The following CDH8 variants were observed in gnomAD, a reference collection of about 807,000 sequenced individuals.
The protein encoded by CDH8 is cadherin-8.
In CDH8, 17 loss-of-function variants were observed where a neutral mutation model predicts 68.1. The ratio of observed to expected loss-of-function variants is 0.25; its 90% confidence interval spans 0.17 to 0.37. The LOEUF is 0.37. CDH8 is among the 10% of genes least tolerant of loss of function. CDH8 has a pLI of 1.00. For synonymous variants in CDH8, 372 were observed against 365.1 expected (o/e 1.02, Z -0.21); for missense variants, 763 against 999.3 (o/e 0.76, Z 3.19).
At chr16:61,746,003 G>T (rs1213715838) in intron 8 of CDH8, among the ~76,000 whole-genome samples, 1 of 152,006 alleles carries the variant, frequency 6.6e-6, no homozygotes, top group Non-Finnish European at 1.5e-5. Context: ...ACTAAGACCG[G>T]ATTTCAGAAT....
At chr16:61,820,891 T>C (rs749498653) in intron 6 of CDH8, 35 bp downstream of exon 6, 2 of 1,564,366 alleles carry the variant, frequency 1.3e-6, no homozygotes, top group East Asian at 4.5e-5. Context: ...TTCAACAAGA[T>C]ATTTTGAAGA....
At chr16:61,814,662 C>A (rs1193792441) in intron 7 of CDH8, among the ~76,000 whole-genome samples, 1 of 152,046 alleles carries the variant, frequency 6.6e-6, no homozygotes, top group Non-Finnish European at 1.5e-5. Context: ...TACAACAGTC[C>A]TAAAGAGAAA....
intron 8 of CDH8, among the ~76,000 whole-genome samples, chr16:61,761,718 T>C (rs760253038): frequency 6.6e-6 from 1 of 151,996 alleles, no homozygotes; most frequent in Non-Finnish European, 1.5e-5. Context: ...AATGGCAAAA[T>C]TAGGCCAGGT....
At chr16:61,903,914 G>A (rs1964022532) in intron 2 of CDH8, among the ~76,000 whole-genome samples, 1 of 150,990 alleles carries the variant, frequency 6.6e-6, no homozygotes, top group Non-Finnish European at 1.5e-5. Flanking sequence ...AAATTCTCAA[G>A]ACTCCATTCA....
At chr16:61,839,577 G>A (rs559515033) in intron 4 of CDH8, among the ~76,000 whole-genome samples, 1 of 152,062 alleles carries the variant, frequency 6.6e-6, no homozygotes, top group Non-Finnish European at 1.5e-5. Flanking sequence ...TTTCATACTT[G>A]TGCTACCTCT....
At chr16:61,840,626 T>C (rs2143008048) in intron 4 of CDH8, among the ~76,000 whole-genome samples, 1 of 152,218 alleles carries the variant, frequency 6.6e-6, no homozygotes, top group South Asian at 2.1e-4. Flanking sequence ...TACAGGGACA[T>C]GGATGGAGCC....
chr16:62,021,105 A>G (rs765696383), intron 2 of CDH8, 47 bp downstream of exon 2: 1 of 1,533,628 alleles, frequency 6.5e-7, no homozygotes, highest in Admixed American at 1.7e-5. Context: ...AAACATCTTA[A>G]GACCACTAAC....
intron 10 of CDH8, among the ~76,000 whole-genome samples, chr16:61,686,845 G>T (rs1387266036): frequency 2.0e-5 from 3 of 151,860 alleles, no homozygotes; most frequent in African/African-American, 7.3e-5. Context: ...TCTGCATCTT[G>T]TATGTGTCCT....
At chr16:61,945,772 T>G (rs147896520) in intron 2 of CDH8, among the ~76,000 whole-genome samples, 3 of 152,140 alleles carry the variant, frequency 2.0e-5, no homozygotes, top group Non-Finnish European at 2.9e-5. Flanking sequence ...AAGAGAAATA[T>G]GTTGCTAAAA....
At chr16:61,764,298 G>C (rs138508340) in intron 8 of CDH8, among the ~76,000 whole-genome samples, 1 of 152,136 alleles carries the variant, frequency 6.6e-6, no homozygotes, top group East Asian at 1.9e-4. Flanking sequence ...AAGTGAGAAG[G>C]GGAATCGAAA....
intron 7 of CDH8, among the ~76,000 whole-genome samples, chr16:61,794,226 T>C (rs1961446945): frequency 6.6e-6 from 1 of 151,938 alleles, no homozygotes; most frequent in Non-Finnish European, 1.5e-5. Flanking sequence ...TTCTGTGTGT[T>C]TCTTTAGGCT....
At chr16:61,714,437 G>C (rs1232005723) in intron 9 of CDH8, among the ~76,000 whole-genome samples, 1 of 151,566 alleles carries the variant, frequency 6.6e-6, no homozygotes, top group Non-Finnish European at 1.5e-5. Flanking sequence ...AAACATCACT[G>C]CAACAAACCT....
At chr16:61,836,670 C>A (rs954544114) in intron 4 of CDH8, among the ~76,000 whole-genome samples, 1 of 152,008 alleles carries the variant, frequency 6.6e-6, no homozygotes, top group African/African-American at 2.4e-5. Flanking sequence ...GTAGCTGTCA[C>A]AATGACCATC....
chr16:61,782,386 T>TA (rs1272338377), intron 8 of CDH8, among the ~76,000 whole-genome samples: 7 of 151,802 alleles, frequency 4.6e-5, no homozygotes, highest in Non-Finnish European at 1.0e-4. Context: ...CAGACCGGCT[T>TA]AAAAAACGGC....
chr16:61,999,050 G>A (rs903740618), intron 2 of CDH8, among the ~76,000 whole-genome samples: 2 of 152,136 alleles, frequency 1.3e-5, no homozygotes, highest in African/African-American at 4.8e-5. Context: ...TTAGAAGGAT[G>A]AGAATTTAAA....
chr16:61,671,568 A>C (rs1031905911), intron 10 of CDH8, among the ~76,000 whole-genome samples: 2 of 152,102 alleles, frequency 1.3e-5, no homozygotes, highest in Non-Finnish European at 2.9e-5. Context: ...TGTGATATTA[A>C]AACAGCCTGT....
chr16:61,777,362 G>T (rs1169770464), intron 8 of CDH8, among the ~76,000 whole-genome samples: 2 of 152,110 alleles, frequency 1.3e-5, no homozygotes, highest in African/African-American at 4.8e-5. Context: ...CATGTTTTCT[G>T]CTTACCTTCT....
chr16:61,753,608 A>G (rs1394650885), intron 8 of CDH8, among the ~76,000 whole-genome samples: 1 of 152,188 alleles, frequency 6.6e-6, no homozygotes, highest in Non-Finnish European at 1.5e-5. Context: ...AACAATTTTT[A>G]TTCATAAAGA....
chr16:61,701,970 C>A (rs574566250), intron 10 of CDH8, among the ~76,000 whole-genome samples: 35 of 152,238 alleles, frequency 2.3e-4, no homozygotes, highest in Non-Finnish European at 4.6e-4. Context: ...ATAACAATTT[C>A]TATGTTTTTC....
Sources: allele counts gnomAD v4.1 joint callset (sites outside exome capture counted in the v4.1 genomes callset), GRCh38; gene constraint gnomAD v4.1.1; transcripts MANE v1.5; gene names NCBI Gene and HGNC (gene_info 2026-07-23, HGNC 2026-07-21).